The following ANO4 variants were observed in gnomAD, a reference collection of about 807,000 sequenced individuals.
The protein encoded by ANO4 is anoctamin-4.
ANO4 carries 69 observed loss-of-function variants against 141.9 expected under a neutral mutation model. The ratio of observed to expected loss-of-function variants is 0.49; its 90% CI spans 0.40 to 0.59. ANO4 has a LOEUF of 0.59. ANO4 is among the 20% of genes least tolerant of loss of function. ANO4 has a pLI of 0.00. For missense variants in ANO4, 894 were observed against 1,162.2 expected, an observed-to-expected ratio of 0.77 and a Z score of 3.36; for synonymous variants, 350 against 394.3, an observed-to-expected ratio of 0.89 and a Z score of 1.33.
At chr12:100,848,584 T>C (rs951607297) in intron 1 of ANO4, among the ~76,000 whole-genome samples, 1 of 152,244 alleles carries the variant, frequency 6.6e-6, no homozygotes, top group African/African-American at 2.4e-5. Flanking sequence ...TGTGAGTCTT[T>C]GGTGTCTTTG....
At chr12:100,892,504 A>G (rs1461256081) in intron 1 of ANO4, among the ~76,000 whole-genome samples, 1 of 152,194 alleles carries the variant, frequency 6.6e-6, no homozygotes, top group East Asian at 1.9e-4. Context: ...GAAGTCTGGC[A>G]TTTGAGAATA....
intron 4 of ANO4, among the ~76,000 whole-genome samples, chr12:100,941,491 T>A (rs139554324): frequency 0.013 from 2,018 of 152,304 alleles, 50 homozygotes; most frequent in African/African-American, 0.046. Flanking sequence ...GATTCATTTT[T>A]ATTGTTAGAT....
In ANO4 at chr12:101,099,634, G is replaced by A. The variant is rs761072068; in HGVS notation, c.2063G>A (p.Arg688Lys). 8 of 1,611,934 alleles carry A rather than the reference G, an allele frequency of 5.0e-6. No individual in the cohort carries two copies. Among genetic ancestry groups the A allele is most frequent in the Non-Finnish European group, 6.8e-6 (8 of 1,179,366 alleles). ...GTACGACAAGAACATGGACCTGAAA[G>A]GAAAATAAGTTTCCCACAATGGGAA... ...RKVRQEHGPERKISFPQWEKD... is the reference protein window; with the variant it reads ...RKVRQEHGPEKKISFPQWEKD... Residue 688 changes from arginine (R) to lysine (K), a missense_variant, in exon 22 of 28, where the codon AGG becomes AAG. Physicochemically the swap from Arg to Lys is conservative, Grantham distance 26. This residue lies in a region of ANO4 where 637 missense variants were observed against 909.2 expected (regional missense o/e 0.70). Coordinates refer to ENST00000392977, the MANE Select transcript of ANO4 (RefSeq NM_001286615.2).
chr12:101,021,652 T>C (rs1197216831), intron 9 of ANO4, among the ~76,000 whole-genome samples: 1 of 152,166 alleles, frequency 6.6e-6, no homozygotes, highest in Middle Eastern at 3.2e-3. Context: ...CTCAGCCAAA[T>C]CCAGCAAGAT....
chr12:101,105,387 C>T (rs917983875), intron 22 of ANO4, among the ~76,000 whole-genome samples: 2 of 152,150 alleles, frequency 1.3e-5, no homozygotes, highest in East Asian at 3.8e-4. Context: ...GAGCCAATGG[C>T]AAAATCAAGG....
rs575205857 is a variant in ANO4 at position 100,991,582 on chromosome 12, C to G, written c.734+3912C>G. 5.3e-5 allele frequency among the ~76,000 whole-genome samples: 8 copies of G among 150,372 alleles called. No individual in the cohort carries two copies. The South Asian group carries it at 1.7e-3, about 32-fold the overall frequency. ...TAAGTGTTTCATCAGAGACATTTCC[C>G]ACTGAAAAACCTTTCGAGATTTTCC... is the stretch of plus-strand genomic sequence containing the variant. On this transcript the variant is annotated intron_variant, in intron 8 of 27. Transcript: ENST00000392977.
chr12:101,085,448 A>G (rs886529637), intron 16 of ANO4, among the ~76,000 whole-genome samples: 1 of 152,204 alleles, frequency 6.6e-6, no homozygotes, highest in Admixed American at 6.5e-5. Flanking sequence ...ACAATACAGT[A>G]TAACTATTTA....
chr12:100,739,749 A>G (rs1172162414), intron 2 of ANO4: 4 of 650,670 alleles, frequency 6.1e-6, no homozygotes, highest in Admixed American at 2.1e-5. Flanking sequence ...CTTAGCTCAA[A>G]TGGTATTTGG....
chr12:100,976,302 A>C (rs2044190122), intron 7 of ANO4, among the ~76,000 whole-genome samples: 1 of 152,210 alleles, frequency 6.6e-6, no homozygotes, highest in Non-Finnish European at 1.5e-5. Flanking sequence ...GGTTTACTCA[A>C]ATGCATGTTT....
At chr12:100,776,702 CCCA>C (rs2033517284) in intron 3 of ANO4, among the ~76,000 whole-genome samples, 4 of 152,172 alleles carry the variant, frequency 2.6e-5, no homozygotes, top group African/African-American at 9.7e-5. Flanking sequence ...ACCTTTAGGG[CCCA>C]CCTGCTGGTC....
Sources: gnomAD v4.1 joint callset for allele counts (sites outside exome capture counted in the v4.1 genomes callset) on GRCh38, gnomAD v4.1.1 for gene constraint, gnomAD v4.1.1 regional missense constraint, MANE v1.5 for transcripts, NCBI Gene and HGNC (gene_info 2026-07-23, HGNC 2026-07-21) for gene names.